UBXN10: variants seen among roughly 807,000 people sequenced by gnomAD.
UBXN10 encodes UBX domain protein 10, also known as UBX domain-containing protein 10.
UBXN10 carries 6 observed loss-of-function variants against 6.9 expected under a neutral mutation model. The observed-to-expected ratio is 0.87, with a 90% CI of 0.48 to 1.72. UBXN10 has a LOEUF of 1.72. Ranked by LOEUF, UBXN10 falls within the 40% of genes most tolerant of loss-of-function variation. The pLI is 0.01. For synonymous variants in UBXN10, 131 were observed against 135.2 expected, an observed-to-expected ratio of 0.97 and a Z score of 0.21; for missense variants, 317 against 348.4, an observed-to-expected ratio of 0.91 and a Z score of 0.72.
rs1183506276 is a variant in UBXN10 at position 20,195,345 on chromosome 1, C to T, written c.*3941C>T. On this transcript the variant is annotated 3_prime_UTR_variant, in exon 2 of 2. Transcript: ENST00000375099. ...ACTGAGCAAGCCTCATTCAGACTGT[C>T]CTGCTCAGAGGCGCCCTCTGGCTGC... is the stretch of plus-strand genomic sequence containing the variant. 2 of 167,420 alleles carry T rather than the reference C, an allele frequency of 1.2e-5. No homozygotes were observed. The highest frequency in any genetic ancestry group is 4.8e-5 in the African/African-American group (2 of 41,476). The allele number at this position is 167,420 out of a possible 1,614,324, so 10.4% of individuals were successfully genotyped here. A position where few individuals can be genotyped will look rare whatever the true frequency, so the allele number is the denominator to read the frequency against.
rs946774818 is a variant in UBXN10, at chr1:20,189,497, T to C, written c.-15-1050T>C. Among the ~76,000 whole-genome samples, 3 of 152,126 alleles carry C rather than the reference T, an allele frequency of 2.0e-5. No individual in the cohort carries two copies. In the South Asian group the frequency reaches 6.2e-4, roughly 32 times the overall value. ...AGAGAAATGTTCACGCCTCCCACCA[T>C]GCTTCAGTTCATTGCTCCTGGTGGA... On this transcript the variant is annotated intron_variant, in intron 1 of 1. Coordinates refer to ENST00000375099, the MANE Select transcript of UBXN10 (RefSeq NM_152376.5).
upstream of UBXN10, chr1:20,184,505 C>G (rs1055720651): frequency 1.3e-5 from 2 of 152,248 alleles, no homozygotes. Context: ...AAAGAAGAGG[C>G]CTGGCCCAGA....
chr1:20,191,063 T>A lies in UBXN10; in HGVS notation c.502T>A (p.Cys168Ser), dbSNP rs1200163556. 6.2e-7 allele frequency: 1 copy of A among 1,613,926 alleles called. No homozygotes were observed. Among genetic ancestry groups the A allele is most frequent in the African/African-American group, 1.3e-5 (1 of 74,864 alleles). The part of the protein sequence containing the change: ...TSEEDSRARA[C>S]AVERKFIVRT... ...TGAAGAAGATTCCAGAGCTCGAGCT[T>A]GTGCCGTGGAGAGGAAATTCATCGT... The change falls in exon 2 of 2, where the codon TGT (cysteine) becomes AGT (serine). Residue 168 changes from cysteine to serine, a missense_variant. Transcript: ENST00000375099. The surrounding 1 kb of genome is among the most constrained non-coding windows in gnomAD (Gnocchi z 4.5).
chr1:20,194,663 T>G lies in UBXN10; in HGVS notation c.*3259T>G, dbSNP rs2018570872. ...TCTTACCTGCCGTTTTAAATGGGTT[T>G]CTAATGTCAAATAAAGCCACCCTGC... On this transcript the variant is annotated 3_prime_UTR_variant, in exon 2 of 2. Coordinates refer to ENST00000375099, the MANE Select transcript of UBXN10 (RefSeq NM_152376.5). The G allele has an allele frequency of 1.2e-5, 2 of 167,110 alleles. No individual in the cohort carries two copies. The highest frequency in any genetic ancestry group is 4.1e-4 in the South Asian group (2 of 4,830). The allele number at this position is 167,110 out of a possible 1,614,324, so 10.4% of individuals were successfully genotyped here. A position where few individuals can be genotyped will look rare whatever the true frequency, so the allele number is the denominator to read the frequency against.
In UBXN10 at chr1:20,191,409, A is replaced by C. The variant is rs755841345; in HGVS notation, c.*5A>C. ...GATGGGGAAGGGTGGCCCTGAGTCCACAGCCACCCAGCTGAGGTCCTGGGT... is the reference window on the plus strand; with the variant it reads ...GATGGGGAAGGGTGGCCCTGAGTCCCCAGCCACCCAGCTGAGGTCCTGGGT... On this transcript the variant is annotated 3_prime_UTR_variant, in exon 2 of 2. Transcript: ENST00000375099. This position sits in a 1 kb window ranked among gnomAD's most constrained non-coding sequence, Gnocchi z 4.5. 6.2e-7 allele frequency: 1 copy of C among 1,604,670 alleles called. No individual in the cohort carries two copies. The highest frequency in any genetic ancestry group is 2.2e-5 in the East Asian group (1 of 44,668).
upstream of UBXN10, chr1:20,184,249 C>A (rs1232525468): frequency 1.3e-5 from 2 of 151,814 alleles, no homozygotes; most frequent in Non-Finnish European, 2.9e-5. Context: ...CAATTTGATT[C>A]TCCAAAGGAT....
At position 20,191,651 on chromosome 1, in the gene UBXN10, T is replaced by C; in HGVS notation, c.*247T>C. ...CAGCGTAACTGGCAAGTTACCAAGGTTGTTCCTGAAACAGCAGTGATCATG... is the reference window on the plus strand; with the variant it reads ...CAGCGTAACTGGCAAGTTACCAAGGCTGTTCCTGAAACAGCAGTGATCATG... On this transcript the variant is annotated 3_prime_UTR_variant, in exon 2 of 2. Transcript: ENST00000375099. The surrounding 1 kb of genome is among the most constrained non-coding windows in gnomAD (Gnocchi z 4.5). 2.0e-6 allele frequency: 1 copy of C among 507,694 alleles called. No homozygotes were observed. Among genetic ancestry groups the C allele is most frequent in the Non-Finnish European group, 3.5e-6 (1 of 288,500 alleles). The allele number at this position is 507,694 out of a possible 1,614,324, so 31.4% of individuals were successfully genotyped here.
intron 1 of UBXN10, among the ~76,000 whole-genome samples, chr1:20,189,708 A>G (rs1408115237): frequency 6.6e-6 from 1 of 152,168 alleles, no homozygotes; most frequent in Admixed American, 6.5e-5. Context: ...AGCCTGAGTG[A>G]TGGAGTGAGA....
At chr1:20,189,155 A>G (rs1365079323) in intron 1 of UBXN10, among the ~76,000 whole-genome samples, 1 of 152,044 alleles carries the variant, frequency 6.6e-6, no homozygotes, top group Non-Finnish European at 1.5e-5. Context: ...TTGAACCCAC[A>G]CTTTGTGACA....
At position 20,186,164 on chromosome 1, in the gene UBXN10, C is replaced by T. The variant is rs1389173220; in HGVS notation, c.-16+11C>T. ...GAGCGGAACGGCTAGGTGAGAGCGG[C>T]TGCCCGATCCCGCGGCCTGCCCTTG... On this transcript the variant is annotated intron_variant, in intron 1 of 1. Coordinates refer to ENST00000375099, the MANE Select transcript of UBXN10 (RefSeq NM_152376.5). The T allele has an allele frequency of 6.6e-6, 1 of 152,480 alleles. No homozygotes were observed. Among genetic ancestry groups the T allele is most frequent in the Non-Finnish European group, 1.5e-5 (1 of 68,244 alleles). The allele number at this position is 152,480 out of a possible 1,614,324, so 9.4% of individuals were successfully genotyped here. A position where few individuals can be genotyped will look rare whatever the true frequency, so the allele number is the denominator to read the frequency against.
chr1:20,183,405 G>A (rs1290676683), upstream of UBXN10, among the ~76,000 whole-genome samples: 1 of 152,222 alleles, frequency 6.6e-6, no homozygotes, highest in Non-Finnish European at 1.5e-5. Context: ...GAGCTTGGGG[G>A]TGGGACTCTG....
rs1163215456 is a variant in UBXN10, at chr1:20,195,947, A to G, written c.*4543A>G. 1 of 166,782 alleles carries G rather than the reference A, an allele frequency of 6.0e-6. No homozygotes were observed. The highest frequency in any genetic ancestry group is 1.5e-5 in the Non-Finnish European group (1 of 68,070). 10.3% of individuals were successfully genotyped at this position (166,782 alleles called of 1,614,324 possible). A position where few individuals can be genotyped will look rare whatever the true frequency, so the allele number is the denominator to read the frequency against. The stretch of plus-strand genomic sequence containing the variant: ...TCCCTTTCTTGCCACCCTTCCCTCC[A>G]TTTATTCCAGTCCAGCAGCTGACTG... On this transcript the variant is annotated 3_prime_UTR_variant, in exon 2 of 2. Coordinates refer to ENST00000375099, the MANE Select transcript of UBXN10 (RefSeq NM_152376.5).
rs111829155 is a variant in UBXN10, at chr1:20,190,886, T to C, written c.325T>C (p.Ser109Pro). Reference protein sequence around the residue: ...LQQQVPTGASSSLNKYPVLPS... With the variant: ...LQQQVPTGASPSLNKYPVLPS... ...GCAGCAAGTACCCACTGGGGCTTCC[T>C]CTTCTCTCAATAAGTATCCAGTCCT... The change falls in exon 2 of 2, where the codon TCT becomes CCT. Residue 109 changes from serine (S) to proline (P), a missense_variant. By Grantham distance (74) the Ser-to-Pro change is moderately conservative (BLOSUM62 -1). Coordinates refer to ENST00000375099, the MANE Select transcript of UBXN10 (RefSeq NM_152376.5). 6.2e-7 allele frequency: 1 copy of C among 1,614,110 alleles called. No homozygotes were observed. Among genetic ancestry groups the C allele is most frequent in the South Asian group, 1.1e-5 (1 of 91,078 alleles).
upstream of UBXN10, among the ~76,000 whole-genome samples, chr1:20,183,508 T>C (rs1184784287): frequency 6.6e-6 from 1 of 152,154 alleles, no homozygotes; most frequent in East Asian, 1.9e-4. Flanking sequence ...CTCCACTGTT[T>C]TCTAAAGCAA....
In UBXN10 at chr1:20,190,301, T is replaced by G. The variant is rs77572900; in HGVS notation, c.-15-246T>G. 3.6e-3 allele frequency among the ~76,000 whole-genome samples: 546 copies of G among 152,340 alleles called. 3 individuals carry two copies. The highest frequency in any genetic ancestry group is 0.013 in the African/African-American group (520 of 41,570). On this transcript the variant is annotated intron_variant, in intron 1 of 1. Coordinates refer to ENST00000375099, the MANE Select transcript of UBXN10 (RefSeq NM_152376.5). ...TTACTCTTTGAAAATATCTATTTAC[T>G]TGTGGGTTTTAACCCCTGTCTTTCC...
rs377207677 is a variant in UBXN10, at chr1:20,191,325, C to T, written c.764C>T (p.Thr255Ile). 4.0e-5 allele frequency: 65 copies of T among 1,613,926 alleles called. No homozygotes were observed. Among genetic ancestry groups the T allele is most frequent in the Non-Finnish European group, 4.8e-5 (57 of 1,179,872 alleles). The stretch of plus-strand genomic sequence containing the variant: ...CCCAGGAGGCGATTTTCTGACCTCA[C>T]CAAATCTCTGCAAGAGTGCAGAATC... ...EVPRRRFSDL[T>I]KSLQECRIPH... The change falls in exon 2 of 2, where the codon ACC becomes ATC. Residue 255 changes from threonine (T) to isoleucine (I), a missense_variant. Physicochemically the swap from Thr to Ile is moderately conservative, Grantham distance 89 (BLOSUM62 -1). Transcript: ENST00000375099. The surrounding 1 kb of genome is among the most constrained non-coding windows in gnomAD (Gnocchi z 4.5).
chr1:20,185,225 A>G (rs1247490102), upstream of UBXN10, among the ~76,000 whole-genome samples: 3 of 152,118 alleles, frequency 2.0e-5, no homozygotes, highest in African/African-American at 7.2e-5. Context: ...AGTCTAACTG[A>G]GGTTAGAGAC....
Position 20,191,183 on chromosome 1 carries a change from G to C in UBXN10, c.622G>C (p.Gly208Arg). 6.2e-7 allele frequency: 1 copy of C among 1,614,220 alleles called. No homozygotes were observed. Among genetic ancestry groups the C allele is most frequent in the Admixed American group, 1.7e-5 (1 of 60,034 alleles). Reference sequence around the variant, plus strand: ...GCTGCTTGCTGTTAGATCACCAACAGGCCAAAGGTTTGTACGCCATTTCCG... The same window carrying C: ...GCTGCTTGCTGTTAGATCACCAACACGCCAAAGGTTTGTACGCCATTTCCG... ...RLLLAVRSPT[G>R]QRFVRHFRPT... Residue 208 changes from glycine (G) to arginine (R), a missense_variant, in exon 2 of 2, where the codon GGC becomes CGC. By Grantham distance (125) the Gly-to-Arg change is moderately radical (BLOSUM62 -2). Coordinates refer to ENST00000375099, the MANE Select transcript of UBXN10 (RefSeq NM_152376.5). The surrounding 1 kb of genome is among the most constrained non-coding windows in gnomAD (Gnocchi z 4.5).
chr1:20,189,766 T>C (rs1281454385), intron 1 of UBXN10, among the ~76,000 whole-genome samples: 1 of 152,078 alleles, frequency 6.6e-6, no homozygotes, highest in South Asian at 2.1e-4. Flanking sequence ...AAAAAAGAAA[T>C]GTGAGCAGCT....
Sources: gnomAD v4.1 joint callset for allele counts (sites outside exome capture counted in the v4.1 genomes callset) on GRCh38, gnomAD v4.1.1 for gene constraint, Gnocchi (gnomAD v3.1) non-coding constraint, MANE v1.5 for transcripts, NCBI Gene and HGNC (gene_info 2026-07-23, HGNC 2026-07-21) for gene names.